MAGI2: variants seen among roughly 807,000 people sequenced by gnomAD.
MAGI2 encodes the protein membrane-associated guanylate kinase, WW and PDZ domain-containing protein 2.
A neutral mutation model predicts 133.3 loss-of-function variants in MAGI2; 35 were observed. The observed-to-expected ratio is 0.26, with a 90% CI of 0.20 to 0.35. The LOEUF (loss-of-function observed/expected upper bound fraction) is 0.35. MAGI2 is among the 10% of genes least tolerant of loss of function. The pLI is 1.00. For synonymous variants in MAGI2, 729 were observed against 710.6 expected (o/e 1.03, Z -0.41); for missense variants, 1,636 against 1,863.4 (o/e 0.88, Z 2.25).
intron 2 of MAGI2, among the ~76,000 whole-genome samples, chr7:78,743,630 A>T (rs560419409): frequency 1.7e-4 from 26 of 152,280 alleles, no homozygotes; most frequent in Non-Finnish European, 3.4e-4. Context: ...CTGTAATATA[A>T]TATCTGTCAC....
intron 9 of MAGI2, among the ~76,000 whole-genome samples, chr7:78,275,346 G>A (rs755651518): frequency 1.1e-4 from 17 of 152,170 alleles, no homozygotes; most frequent in Non-Finnish European, 1.8e-4. Flanking sequence ...CACCTGCCTC[G>A]ATCTCGCTGG....
chr7:78,560,067 A>C (rs528594465), intron 3 of MAGI2, among the ~76,000 whole-genome samples: 1 of 152,190 alleles, frequency 6.6e-6, no homozygotes, highest in Non-Finnish European at 1.5e-5. Context: ...AAAATATTAC[A>C]TGTTCCATGC....
chr7:78,936,032 A>G (rs1800486557), intron 2 of MAGI2, among the ~76,000 whole-genome samples: 2 of 152,258 alleles, frequency 1.3e-5, no homozygotes, highest in East Asian at 3.9e-4. Context: ...TTCCGTTACA[A>G]GTTTCCTCAG....
chr7:78,668,977 C>A (rs1454815662), intron 2 of MAGI2, among the ~76,000 whole-genome samples: 3 of 152,032 alleles, frequency 2.0e-5, no homozygotes, highest in African/African-American at 7.2e-5. Flanking sequence ...AGGAAAGATC[C>A]AAAATTGATA....
intron 1 of MAGI2, among the ~76,000 whole-genome samples, chr7:79,142,381 T>C (rs1446981149): frequency 6.6e-6 from 1 of 152,214 alleles, no homozygotes; most frequent in African/African-American, 2.4e-5. Context: ...AAATTTATGT[T>C]GTTAAAATGA....
intron 6 of MAGI2, among the ~76,000 whole-genome samples, chr7:78,397,398 C>CACACACAT: frequency 6.7e-6 from 1 of 150,148 alleles, no homozygotes; most frequent in Non-Finnish European, 1.5e-5. Flanking sequence ...CACACACACA[C>CACACACAT]CCCTTGTCTT....
At chr7:79,098,649 A>G (rs1259180696) in intron 1 of MAGI2, among the ~76,000 whole-genome samples, 1 of 152,178 alleles carries the variant, frequency 6.6e-6, no homozygotes, top group Non-Finnish European at 1.5e-5. Context: ...AATCTTTGCA[A>G]TTAATTTTTG....
At chr7:79,187,867 C>A (rs921971636) in intron 1 of MAGI2, among the ~76,000 whole-genome samples, 3 of 151,744 alleles carry the variant, frequency 2.0e-5, no homozygotes, top group Non-Finnish European at 2.9e-5. Context: ...AATTGAGATA[C>A]AGGAGACCTA....
At chr7:78,120,923 C>T (rs1820392060) in intron 20 of MAGI2, among the ~76,000 whole-genome samples, 2 of 139,544 alleles carry the variant, frequency 1.4e-5, no homozygotes, top group African/African-American at 2.7e-5. Flanking sequence ...ATGGCGTGAA[C>T]CCGGGAGGCG....
intron 14 of MAGI2, among the ~76,000 whole-genome samples, chr7:78,171,353 GT>G (rs1207321598): frequency 6.6e-6 from 1 of 152,122 alleles, no homozygotes; most frequent in African/African-American, 2.4e-5. Context: ...TAAGTCAGTA[GT>G]TCTCAAACTT....
At chr7:79,383,800 G>A (rs1843978833) in intron 1 of MAGI2, among the ~76,000 whole-genome samples, 1 of 151,264 alleles carries the variant, frequency 6.6e-6, no homozygotes, top group Non-Finnish European at 1.5e-5. Context: ...AGCAAAGGAG[G>A]AACACAAGGA....
intron 6 of MAGI2, among the ~76,000 whole-genome samples, chr7:78,459,922 A>G (rs1789780726): frequency 6.6e-6 from 1 of 152,242 alleles, no homozygotes; most frequent in Non-Finnish European, 1.5e-5. Context: ...ATGCAGAAAT[A>G]GTGATGGCTG....
chr7:78,607,453 G>A (rs796163962), intron 3 of MAGI2, among the ~76,000 whole-genome samples: 1 of 148,544 alleles, frequency 6.7e-6, no homozygotes, highest in African/African-American at 2.5e-5. Context: ...TCCCTTGTAT[G>A]GAAACAGAAC....
At chr7:78,314,189 A>G (rs546296096) in intron 9 of MAGI2, among the ~76,000 whole-genome samples, 90 of 152,260 alleles carry the variant, frequency 5.9e-4, no homozygotes, top group Middle Eastern at 3.4e-3. Flanking sequence ...AGCCCAGAAG[A>G]AGGCCTGGGT....
At chr7:78,385,125 T>C (rs1182759430) in intron 6 of MAGI2, among the ~76,000 whole-genome samples, 2 of 152,188 alleles carry the variant, frequency 1.3e-5, no homozygotes, top group African/African-American at 2.4e-5. Flanking sequence ...CCCTACTTTA[T>C]TCTACCAAGC....
At chr7:78,422,918 A>G (rs1798931539) in intron 6 of MAGI2, among the ~76,000 whole-genome samples, 1 of 152,200 alleles carries the variant, frequency 6.6e-6, no homozygotes, top group Non-Finnish European at 1.5e-5. Flanking sequence ...AACCATTTCC[A>G]TGTTAAGCTT....
intron 16 of MAGI2, among the ~76,000 whole-genome samples, chr7:78,142,381 A>G (rs1436790403): frequency 6.6e-6 from 1 of 152,128 alleles, no homozygotes; most frequent in African/African-American, 2.4e-5. Context: ...GCTACCAAGA[A>G]AAATCACCAA....
chr7:79,102,278 T>C (rs1423678457), intron 1 of MAGI2, among the ~76,000 whole-genome samples: 3 of 152,182 alleles, frequency 2.0e-5, no homozygotes, highest in Non-Finnish European at 2.9e-5. Context: ...CTTTTTTTGC[T>C]CTTAAAAATA....
intron 3 of MAGI2, among the ~76,000 whole-genome samples, chr7:78,585,156 T>C (rs922340540): frequency 1.3e-5 from 2 of 152,198 alleles, no homozygotes; most frequent in Non-Finnish European, 2.9e-5. Context: ...GATTTTTGTA[T>C]ATAGTTTGGC....
Sources: allele counts gnomAD v4.1 joint callset (sites outside exome capture counted in the v4.1 genomes callset), GRCh38; gene constraint gnomAD v4.1.1; transcripts MANE v1.5; gene names NCBI Gene and HGNC (gene_info 2026-07-23, HGNC 2026-07-21).